CLIC2: variants seen among roughly 807,000 people sequenced by gnomAD.
The protein encoded by CLIC2 is chloride intracellular channel protein 2.
Under a neutral mutation model 14.8 loss-of-function variants are expected in CLIC2, and 9 were observed. The observed-to-expected ratio is 0.61, with a 90% CI of 0.37 to 1.06. The LOEUF (loss-of-function observed/expected upper bound fraction) is 1.06. Ranked by LOEUF, CLIC2 falls within the 50% of genes least tolerant of loss-of-function variation. The pLI is 0.01. For synonymous variants in CLIC2, 61 were observed against 66.3 expected (o/e 0.92, Z 0.39); for missense variants, 148 against 181.4 (o/e 0.82, Z 1.06).
chrX:155,295,108 A>C (rs1557318207), intron 3 of CLIC2, among the ~76,000 whole-genome samples: 3 of 111,804 alleles, frequency 2.7e-5, no homozygotes, highest in African/African-American at 9.7e-5. Context: ...CATAGATACA[A>C]AAACTCTTGA....
intron 3 of CLIC2, among the ~76,000 whole-genome samples, chrX:155,286,290 T>A (rs782584774): frequency 4.4e-5 from 5 of 112,414 alleles, no homozygotes; most frequent in Admixed American, 3.8e-4. Flanking sequence ...TCCATCCATG[T>A]TCCTGCAAAA....
chrX:155,322,634 A>G (rs146972464), intron 1 of CLIC2, among the ~76,000 whole-genome samples: 3 of 112,013 alleles, frequency 2.7e-5, no homozygotes, highest in Non-Finnish European at 5.6e-5. Flanking sequence ...TAACATCACA[A>G]TTAAAAGAAC....
At chrX:155,281,370 G>A (rs28411746) in intron 3 of CLIC2, among the ~76,000 whole-genome samples, 149 of 110,080 alleles carry the variant, frequency 1.4e-3, no homozygotes, top group African/African-American at 4.8e-3. Flanking sequence ...ATATAAAAAA[G>A]ATAACTATAT....
intron 1 of CLIC2, among the ~76,000 whole-genome samples, chrX:155,319,740 A>T (rs901471475): frequency 2.7e-5 from 3 of 111,481 alleles, no homozygotes; most frequent in African/African-American, 9.8e-5. Context: ...AGGGGGCTGA[A>T]GCTAGGGAGC....
intron 3 of CLIC2, chrX:155,292,932 A>G: frequency 9.3e-7 from 1 of 1,074,960 alleles, no homozygotes; most frequent in South Asian, 1.8e-5. Context: ...CAGGGCGAAC[A>G]AAGGTCAGTT....
In CLIC2 at chrX:155,279,297, C is replaced by T. The variant is rs782037891; in HGVS notation, c.434G>A (p.Arg145His). The T allele has an allele frequency of 7.0e-5, 85 of 1,208,034 alleles. No individual in the cohort carries two copies. Among genetic ancestry groups the T allele is most frequent in the Middle Eastern group, 2.3e-4 (1 of 4,340 alleles). ...TGGGGTGTTTAAGTAGTCATCCAGA[C>T]GCTTGAATTCTTTGAGCAGAGATTT... ...FEKSLLKEFK[R>H]LDDYLNTPLL... Residue 145 changes from arginine to histidine, a missense_variant, in exon 5 of 6, where the codon CGT becomes CAT. Physicochemically the swap from Arg to His is conservative, Grantham distance 29 (BLOSUM62 0). Transcript: ENST00000369449.
At chrX:155,318,695 C>A (rs140751753) in intron 1 of CLIC2, among the ~76,000 whole-genome samples, 1 of 111,708 alleles carries the variant, frequency 9.0e-6, no homozygotes, top group Non-Finnish European at 1.9e-5. Flanking sequence ...TCATTCTTCA[C>A]GGAACTAGAA....
At chrX:155,302,158 C>T (rs1341579270) in intron 1 of CLIC2, among the ~76,000 whole-genome samples, 1 of 107,161 alleles carries the variant, frequency 9.3e-6, no homozygotes, top group Non-Finnish European at 1.9e-5. Flanking sequence ...GGAATGGTAC[C>T]AGTTCCTCCT....
Position 155,278,076 on chromosome X carries a change from C to CA in CLIC2, c.583-13dup, listed in dbSNP as rs782464475. ...TTCTTGGCAGCAACCTAGAATTTTG[C>CA]AAAAAAAAGAGGAAAAAGAAGGCAT... On this transcript the variant is annotated splice_polypyrimidine_tract_variant and intron_variant, in intron 5 of 5. Transcript: ENST00000369449. The CA allele has an allele frequency of 9.6e-5, 114 of 1,193,679 alleles. No homozygotes were observed. Among genetic ancestry groups the CA allele is most frequent in the Non-Finnish European group, 1.2e-4 (103 of 885,551 alleles).
At chrX:155,291,449 T>A (rs1470609040) in intron 3 of CLIC2, 2 of 438,238 alleles carry the variant, frequency 4.6e-6, no homozygotes, top group East Asian at 7.7e-5. Flanking sequence ...TATGGAATCA[T>A]GTCGTCTGCA....
intron 3 of CLIC2, among the ~76,000 whole-genome samples, chrX:155,281,362 AT>A (rs1414072889): frequency 9.0e-6 from 1 of 110,581 alleles, no homozygotes; most frequent in Non-Finnish European, 1.9e-5. Context: ...CTCTTACCAT[AT>A]AAAAAAGATA....
At chrX:155,279,038 T>C (rs192954638) in intron 5 of CLIC2, 111 bp downstream of exon 5, 1 of 602,733 alleles carries the variant, frequency 1.7e-6, no homozygotes, top group South Asian at 2.3e-5. Context: ...ATGATGATGA[T>C]GATAATGACA....
rs1427271853 is a variant in CLIC2 at position 155,308,694 on chromosome X, C to T, written c.58-9549G>A. ...AAGAAACTAATAACATACAATGGCA[C>T]TTCAGTGCGTCTGGAAGCAGACTTT... On this transcript the variant is annotated intron_variant, in intron 1 of 5. Coordinates refer to ENST00000369449, the MANE Select transcript of CLIC2 (RefSeq NM_001289.6). 3.6e-5 allele frequency among the ~76,000 whole-genome samples: 4 copies of T among 112,332 alleles called. No individual in the cohort carries two copies. The East Asian group carries it at 8.4e-4, about 24-fold the overall frequency.
chrX:155,316,387 T>C (rs376141180), intron 1 of CLIC2, among the ~76,000 whole-genome samples: 2 of 111,424 alleles, frequency 1.8e-5, no homozygotes, highest in Admixed American at 1.9e-4. Flanking sequence ...CTCAGTAAAT[T>C]TAAGAAAATC....
chrX:155,277,138 T>C lies in CLIC2; in HGVS notation c.*765A>G, dbSNP rs950321424. 8.9e-6 allele frequency: 1 copy of C among 112,684 alleles called. No homozygotes were observed. The highest frequency in any genetic ancestry group is 1.9e-5 in the Non-Finnish European group (1 of 53,302). The allele number at this position is 112,684 out of a possible 1,213,427, so 9.3% of individuals were successfully genotyped here. Reference sequence around the variant, plus strand: ...AATTATCTAAGGACTGTTTACCTTATCCTTTTATGGACAACAAGAAGACCT... The same window carrying C: ...AATTATCTAAGGACTGTTTACCTTACCCTTTTATGGACAACAAGAAGACCT... On this transcript the variant is annotated 3_prime_UTR_variant, in exon 6 of 6. Coordinates refer to ENST00000369449, the MANE Select transcript of CLIC2 (RefSeq NM_001289.6).
intron 1 of CLIC2, among the ~76,000 whole-genome samples, chrX:155,310,069 ACAC>A (rs1328676623): frequency 6.2e-5 from 7 of 112,108 alleles, no homozygotes; most frequent in African/African-American, 2.3e-4. Context: ...CATTGGGTAA[ACAC>A]AGTCATTCCA....
chrX:155,299,660 T>C (rs1271108216), intron 1 of CLIC2, among the ~76,000 whole-genome samples: 1 of 107,672 alleles, frequency 9.3e-6, no homozygotes, highest in Non-Finnish European at 1.9e-5. Context: ...TGTGCCATGC[T>C]GGTGCGCTGC....
intron 3 of CLIC2, among the ~76,000 whole-genome samples, chrX:155,295,915 G>A (rs1338000781): frequency 9.0e-6 from 1 of 111,514 alleles, no homozygotes; most frequent in Non-Finnish European, 1.9e-5. Flanking sequence ...TCAGAAGAAT[G>A]AATATTATTA....
intron 3 of CLIC2, among the ~76,000 whole-genome samples, chrX:155,287,651 C>A (rs1026751571): frequency 5.4e-5 from 6 of 112,007 alleles, no homozygotes; most frequent in Admixed American, 9.5e-5. Context: ...CTTACTGTAG[C>A]CTTGCAGTAT....
Sources: allele counts gnomAD v4.1 joint callset (sites outside exome capture counted in the v4.1 genomes callset), GRCh38; gene constraint gnomAD v4.1.1; transcripts MANE v1.5; gene names NCBI Gene and HGNC (gene_info 2026-07-23, HGNC 2026-07-21).